Variants in KCTD8 observed in about 807,000 individuals in gnomAD.
KCTD8 encodes the protein potassium channel tetramerization domain containing 8, also known as BTB/POZ domain-containing protein KCTD8.
In KCTD8, 27 loss-of-function variants were observed where a neutral mutation model predicts 31.5. The ratio of observed to expected loss-of-function variants is 0.86; its 90% CI spans 0.63 to 1.18. The LOEUF (loss-of-function observed/expected upper bound fraction) is 1.18. KCTD8 is among the 50% of genes most tolerant of loss of function. The pLI is 0.00. For synonymous variants in KCTD8, 290 were observed against 280.0 expected, an observed-to-expected ratio of 1.04 and a Z score of -0.36; for missense variants, 658 against 647.7, an observed-to-expected ratio of 1.02 and a Z score of -0.17.
chr4:44,385,196 T>G (rs968224238), intron 1 of KCTD8, among the ~76,000 whole-genome samples: 22 of 151,658 alleles, frequency 1.5e-4, no homozygotes, highest in African/African-American at 5.3e-4. Flanking sequence ...CAATGACATT[T>G]TATTCAGAAA....
intron 1 of KCTD8, among the ~76,000 whole-genome samples, chr4:44,364,052 C>T (rs1475281036): frequency 6.6e-6 from 1 of 151,838 alleles, no homozygotes; most frequent in Non-Finnish European, 1.5e-5. Context: ...TTAGATACAA[C>T]ATGAAAAGCA....
chr4:44,247,512 A>G (rs962254791), intron 1 of KCTD8, among the ~76,000 whole-genome samples: 4 of 151,874 alleles, frequency 2.6e-5, no homozygotes, highest in African/African-American at 7.2e-5. Flanking sequence ...ACAATTTTTT[A>G]AGTGCACAGT....
At chr4:44,422,310 G>A (rs1721232529) in intron 1 of KCTD8, among the ~76,000 whole-genome samples, 1 of 152,012 alleles carries the variant, frequency 6.6e-6, no homozygotes, top group Non-Finnish European at 1.5e-5. Flanking sequence ...ATTATCAGTT[G>A]TTGGAGTGTG....
chr4:44,372,887 T>G (rs1344717352), intron 1 of KCTD8, among the ~76,000 whole-genome samples: 2 of 152,172 alleles, frequency 1.3e-5, no homozygotes, highest in Non-Finnish European at 2.9e-5. Context: ...ACAACCATAA[T>G]TAAAATCCCA....
chr4:44,446,687 C>T (rs1721946012), intron 1 of KCTD8, among the ~76,000 whole-genome samples: 1 of 152,204 alleles, frequency 6.6e-6, no homozygotes, highest in Non-Finnish European at 1.5e-5. Context: ...GAAAATCGCT[C>T]TATTTATTCA....
chr4:44,366,980 C>T (rs1719655148), intron 1 of KCTD8, among the ~76,000 whole-genome samples: 1 of 152,038 alleles, frequency 6.6e-6, no homozygotes, highest in Non-Finnish European at 1.5e-5. Flanking sequence ...GTTTTAAAGC[C>T]CTGCATGAGT....
intron 1 of KCTD8, among the ~76,000 whole-genome samples, chr4:44,270,681 A>G (rs960260370): frequency 6.6e-6 from 1 of 152,114 alleles, no homozygotes. Flanking sequence ...ATTCCATATA[A>G]TGAGAAACTG....
chr4:44,302,932 T>C (rs61393635), intron 1 of KCTD8, among the ~76,000 whole-genome samples: 4,472 of 152,080 alleles, frequency 0.029, 250 homozygotes, highest in African/African-American at 0.1. Flanking sequence ...GCATGAAGGG[T>C]TGTTGAATTT....
chr4:44,251,251 TAGTA>T (rs1715823338), intron 1 of KCTD8, among the ~76,000 whole-genome samples: 1 of 151,706 alleles, frequency 6.6e-6, no homozygotes, highest in South Asian at 2.1e-4. Context: ...TCTTACCAGT[TAGTA>T]AGGTGAATTT....
chr4:44,413,785 T>C (rs1721011832), intron 1 of KCTD8, among the ~76,000 whole-genome samples: 1 of 152,062 alleles, frequency 6.6e-6, no homozygotes, highest in Non-Finnish European at 1.5e-5. Flanking sequence ...GCAGAGGTAC[T>C]TAAATTCAGG....
At chr4:44,305,451 T>C (rs1485872653) in intron 1 of KCTD8, among the ~76,000 whole-genome samples, 1 of 151,680 alleles carries the variant, frequency 6.6e-6, no homozygotes, top group African/African-American at 2.4e-5. Context: ...TTATATCAAA[T>C]TTTAAAAGCA....
chr4:44,328,546 G>C (rs1718512600), intron 1 of KCTD8, among the ~76,000 whole-genome samples: 1 of 151,888 alleles, frequency 6.6e-6, no homozygotes, highest in Admixed American at 6.6e-5. Context: ...AAAATGTACA[G>C]TTATCATTAC....
chr4:44,259,096 C>G (rs1292551317), intron 1 of KCTD8, among the ~76,000 whole-genome samples: 1 of 151,798 alleles, frequency 6.6e-6, no homozygotes, highest in African/African-American at 2.4e-5. Flanking sequence ...GCAAAGCAGC[C>G]TTTTAAAAAT....
intron 1 of KCTD8, among the ~76,000 whole-genome samples, chr4:44,317,570 A>G (rs1718174117): frequency 6.6e-6 from 1 of 152,142 alleles, no homozygotes; most frequent in African/African-American, 2.4e-5. Context: ...GACAGAGTTG[A>G]GTAGTTGTAA....
intron 1 of KCTD8, among the ~76,000 whole-genome samples, chr4:44,192,476 A>G (rs1425698907): frequency 4.2e-5 from 2 of 47,278 alleles, no homozygotes; most frequent in Admixed American, 3.9e-4. Context: ...AAGCAAAGAT[A>G]CACACACACA....
At chr4:44,443,977 A>C (rs995811959) in intron 1 of KCTD8, among the ~76,000 whole-genome samples, 1 of 152,174 alleles carries the variant, frequency 6.6e-6, no homozygotes, top group Non-Finnish European at 1.5e-5. Flanking sequence ...AAGAAAGGAC[A>C]ATCCATCTTC....
At chr4:44,418,595 A>T (rs1018548007) in intron 1 of KCTD8, among the ~76,000 whole-genome samples, 1 of 152,158 alleles carries the variant, frequency 6.6e-6, no homozygotes, top group Admixed American at 6.5e-5. Flanking sequence ...ACGAAAATAG[A>T]GAAGAAAGAA....
At chr4:44,367,305 C>A (rs530146556) in intron 1 of KCTD8, among the ~76,000 whole-genome samples, 1 of 152,248 alleles carries the variant, frequency 6.6e-6, no homozygotes, top group South Asian at 2.1e-4. Flanking sequence ...TATTGCACTA[C>A]AAGGACACAG....
At chr4:44,247,421 T>G (rs1715697539) in intron 1 of KCTD8, among the ~76,000 whole-genome samples, 1 of 151,860 alleles carries the variant, frequency 6.6e-6, no homozygotes, top group Non-Finnish European at 1.5e-5. Flanking sequence ...TAAAACCTCT[T>G]TACGGGCTAT....
Sources: allele counts gnomAD v4.1 joint callset (sites outside exome capture counted in the v4.1 genomes callset), GRCh38; gene constraint gnomAD v4.1.1; transcripts MANE v1.5; gene names NCBI Gene and HGNC (gene_info 2026-07-23, HGNC 2026-07-21).